CFAP251: variants seen among roughly 807,000 people sequenced by gnomAD.
The protein encoded by CFAP251 is cilia- and flagella-associated protein 251.
In CFAP251, 93 loss-of-function variants were observed where a neutral mutation model predicts 126.7. That is an observed-to-expected ratio of 0.73 (90% CI 0.62 to 0.87). The LOEUF (loss-of-function observed/expected upper bound fraction) is 0.87. Ranked by LOEUF, CFAP251 falls within the 40% of genes least tolerant of loss-of-function variation. CFAP251 has a pLI of 0.00. For synonymous variants in CFAP251, 503 were observed against 506.9 expected, an observed-to-expected ratio of 0.99 and a Z score of 0.10; for missense variants, 1,287 against 1,389.2, an observed-to-expected ratio of 0.93 and a Z score of 1.17.
At chr12:122,000,810 A>G (rs1204817835) in intron 20 of CFAP251, among the ~76,000 whole-genome samples, 1 of 152,052 alleles carries the variant, frequency 6.6e-6, no homozygotes, top group Non-Finnish European at 1.5e-5. Flanking sequence ...TGCCAGCCCC[A>G]TGTATGTTCC....
chr12:121,985,058 A>G (rs1354677984), intron 19 of CFAP251, among the ~76,000 whole-genome samples: 1 of 152,206 alleles, frequency 6.6e-6, no homozygotes, highest in Non-Finnish European at 1.5e-5. Flanking sequence ...TGACATTATT[A>G]TTTGATCTCA....
chr12:121,937,795 C>G (rs1270086214), intron 5 of CFAP251, among the ~76,000 whole-genome samples: 1 of 152,190 alleles, frequency 6.6e-6, no homozygotes, highest in Non-Finnish European at 1.5e-5. Flanking sequence ...CCTCATCTGA[C>G]TTGACTTCTC....
At position 121,942,590 on chromosome 12, in the gene CFAP251, T is replaced by C; in HGVS notation, c.1055T>C (p.Met352Thr). ...CCTGAAGGGAATGGCATCATGGCCA[T>C]GGCCATGACCCACGACGCCAAGTAT... ...SCPEGNGIMA[M>T]AMTHDAKYLA... The change falls in exon 6 of 22, where the codon ATG (methionine) becomes ACG (threonine). Residue 352 changes from methionine (M) to threonine (T), a missense_variant. Met to Thr is a moderately conservative substitution (Grantham distance 81). Coordinates refer to ENST00000288912, the MANE Select transcript of CFAP251 (RefSeq NM_144668.6). The C allele has an allele frequency of 6.2e-7, 1 of 1,613,870 alleles. No individual in the cohort carries two copies. Among genetic ancestry groups the C allele is most frequent in the Non-Finnish European group, 8.5e-7 (1 of 1,180,000 alleles).
chr12:121,975,008 A>G (rs1392440932), intron 17 of CFAP251, among the ~76,000 whole-genome samples: 1 of 152,218 alleles, frequency 6.6e-6, no homozygotes, highest in East Asian at 1.9e-4. Flanking sequence ...GTCATCATCA[A>G]GAGAATATCA....
chr12:121,988,799 G>A (rs1466448711), intron 19 of CFAP251, among the ~76,000 whole-genome samples: 1 of 148,228 alleles, frequency 6.7e-6, no homozygotes, highest in Non-Finnish European at 1.5e-5. Flanking sequence ...GCAATGGCGC[G>A]ATCTCGGCTC....
chr12:121,975,442 A>G (rs1382542025), intron 18 of CFAP251, 100 bp from the exon 19 acceptor site: 2 of 1,573,230 alleles, frequency 1.3e-6, no homozygotes, highest in Non-Finnish European at 1.7e-6. Flanking sequence ...TCCCCCATTC[A>G]GCTTAAAAGG....
At chr12:121,983,619 G>T (rs2135806067) in intron 19 of CFAP251, among the ~76,000 whole-genome samples, 1 of 152,060 alleles carries the variant, frequency 6.6e-6, no homozygotes, top group East Asian at 1.9e-4. Flanking sequence ...AGGTTGTAAG[G>T]TTTGCACTGG....
intron 19 of CFAP251, chr12:121,992,494 C>G (rs989975512): frequency 1.0e-6 from 1 of 985,110 alleles, no homozygotes; most frequent in African/African-American, 1.7e-5. Flanking sequence ...TTCCTTTTGT[C>G]GTCTTAGTCT....
intron 21 of CFAP251, among the ~76,000 whole-genome samples, chr12:122,002,493 T>C (rs985057143): frequency 2.4e-4 from 36 of 151,818 alleles, no homozygotes; most frequent in Non-Finnish European, 8.8e-5. Context: ...TGAGTGAGGA[T>C]TGTGCCACTG....
intron 19 of CFAP251, among the ~76,000 whole-genome samples, chr12:121,978,322 A>C (rs773830698): frequency 3.2e-4 from 44 of 136,500 alleles, no homozygotes; most frequent in Non-Finnish European, 5.5e-4. Context: ...TGAACCCGGG[A>C]GGCGGAGCTT....
chr12:121,996,759 C>G (rs1200035795), intron 19 of CFAP251: 1 of 152,102 alleles, frequency 6.6e-6, no homozygotes, highest in Non-Finnish European at 1.5e-5. Context: ...CACCATCACC[C>G]GATCATCTGC....
chr12:121,983,784 C>T (rs563586330), intron 19 of CFAP251, among the ~76,000 whole-genome samples: 2 of 152,018 alleles, frequency 1.3e-5, no homozygotes, highest in African/African-American at 2.4e-5. Context: ...TTTCTGAAGG[C>T]TCCAGGTGTG....
rs758263571 is a variant in CFAP251 at position 121,942,689 on chromosome 12, ACCTGTGCAGCGTGTCCC to A, written c.1110+46_1110+62del. The A allele has an allele frequency of 5.7e-5, 85 of 1,503,176 alleles. 1 individual carries two copies. The Middle Eastern group carries it at 6.8e-4, about 12-fold the overall frequency. The allele number at this position is 1,503,176 out of a possible 1,614,324, so 93.1% of individuals were successfully genotyped here. ...TGGGTCAGCATCAGCGAGCTGGCCGACCTGTGCAGCGTGTCCCCATGGGCAGCTCTGTTCAGGCTGGG... is the reference window on the plus strand; with the variant it reads ...TGGGTCAGCATCAGCGAGCTGGCCGACATGGGCAGCTCTGTTCAGGCTGGG... On this transcript the variant is annotated intron_variant, in intron 6 of 21. Coordinates refer to ENST00000288912, the MANE Select transcript of CFAP251 (RefSeq NM_144668.6).
chr12:121,970,556 C>A (rs900200348), intron 17 of CFAP251, among the ~76,000 whole-genome samples: 2 of 152,214 alleles, frequency 1.3e-5, no homozygotes, highest in Non-Finnish European at 2.9e-5. Flanking sequence ...TGCCACAGGG[C>A]TGAGCTTTAG....
rs1880296218 is a variant in CFAP251, at chr12:121,923,930, G to A, written c.687G>A (p.Val229=). 8 of 1,614,106 alleles carry A rather than the reference G, an allele frequency of 5.0e-6. No individual in the cohort carries two copies. In the South Asian group the frequency reaches 7.7e-5, roughly 16 times the overall value. ...CAGGGATCTCCCGGGAGTCACTGGTGTCCAGCACCACAGAGGACATTCTGT... is the reference window on the plus strand; with the variant it reads ...CAGGGATCTCCCGGGAGTCACTGGTATCCAGCACCACAGAGGACATTCTGT... The part of the protein sequence containing the change: ...SKAGISRESL[V]SSTTEDILFQ... The change falls in exon 3 of 22, where the codon GTG becomes GTA. Residue 229 remains valine, a synonymous_variant. Transcript: ENST00000288912.
rs200719827 is a variant in CFAP251, at chr12:121,957,265, T to C, written c.1727T>C (p.Leu576Ser). ...DCTLKGDLFV[L>S]RNFIIGTSDA... ...ACTTTAAAAGGTGACCTTTTTGTCT[T>C]AAGGTAAGTTGTTAATGAATCTAGT... Residue 576 changes from leucine (L) to serine (S), a missense_variant, in exon 11 of 22, where the codon TTA (leucine) becomes TCA (serine). By Grantham distance (145) the Leu-to-Ser change is moderately radical. Transcript: ENST00000288912. The C allele has an allele frequency of 4.4e-5, 70 of 1,608,038 alleles. 1 individual carries two copies. In the East Asian group the frequency reaches 1.5e-3, roughly 34 times the overall value.
At chr12:121,993,663 C>T (rs1309940848) in intron 19 of CFAP251, among the ~76,000 whole-genome samples, 2 of 142,808 alleles carry the variant, frequency 1.4e-5, no homozygotes, top group African/African-American at 2.6e-5. Flanking sequence ...GCCGAGACCC[C>T]GTCTGGGAGG....
chr12:121,991,681 T>C (rs573179054), intron 19 of CFAP251, among the ~76,000 whole-genome samples: 231 of 151,634 alleles, frequency 1.5e-3, no homozygotes, highest in Admixed American at 4.4e-3. Context: ...TTCCAAAAAT[T>C]TGGTCCCCAG....
In CFAP251 at chr12:121,980,560, C is replaced by T. The variant is rs576880930; in HGVS notation, c.3006+4875C>T. On this transcript the variant is annotated intron_variant, in intron 19 of 21. Transcript: ENST00000288912. Reference sequence around the variant, plus strand: ...ATGGGGTTTCTCCATGTTGGCCAGACGGGTCTCAAACTCCTGAGCTCGAGC... The same window carrying T: ...ATGGGGTTTCTCCATGTTGGCCAGATGGGTCTCAAACTCCTGAGCTCGAGC... Among the ~76,000 whole-genome samples, 13 of 152,138 alleles carry T rather than the reference C, an allele frequency of 8.5e-5. No individual in the cohort carries two copies. The East Asian group carries it at 1.4e-3, about 16-fold the overall frequency.
Sources: gnomAD v4.1 joint callset for allele counts (sites outside exome capture counted in the v4.1 genomes callset) on GRCh38, gnomAD v4.1.1 for gene constraint, MANE v1.5 for transcripts, NCBI Gene and HGNC (gene_info 2026-07-23, HGNC 2026-07-21) for gene names.